Variants in SLC7A9 observed in about 807,000 individuals in gnomAD.
The protein encoded by SLC7A9 is solute carrier family 7 member 9, also known as B(0,+)-type amino acid transporter 1.
In SLC7A9, 38 loss-of-function variants were observed where a neutral mutation model predicts 54.1. That is an observed-to-expected ratio of 0.70 (90% CI 0.54 to 0.92). SLC7A9 has a LOEUF of 0.92. SLC7A9 is among the 40% of genes least tolerant of loss of function. The pLI, the probability that SLC7A9 is intolerant of heterozygous loss-of-function variation, is 0.00. For synonymous variants in SLC7A9, 264 were observed against 258.9 expected (o/e 1.02, Z -0.19); for missense variants, 537 against 636.1 (o/e 0.84, Z 1.68).
Position 32,862,136 on chromosome 19 carries a change from A to G in SLC7A9, c.686T>C (p.Leu229Pro). ...ACCTCACCATCCATCATAGGCCCAG[A>G]GTCCATTGTAAAACGCCAGGCTGAT... Reference protein sequence around the residue: ...GAISLAFYNGLWAYDGWNQLN... With the variant: ...GAISLAFYNGPWAYDGWNQLN... The change falls in exon 6 of 13, where the codon CTC becomes CCC. Residue 229 changes from leucine to proline, a missense_variant. Leu to Pro is a moderately conservative substitution (Grantham distance 98). Transcript: ENST00000023064. 6.2e-7 allele frequency: 1 copy of G among 1,612,570 alleles called. No homozygotes were observed. Among genetic ancestry groups the G allele is most frequent in the Non-Finnish European group, 8.5e-7 (1 of 1,178,790 alleles).
chr19:32,868,087 C>T (rs1164886583), intron 2 of SLC7A9, among the ~76,000 whole-genome samples: 10 of 151,614 alleles, frequency 6.6e-5, no homozygotes, highest in Admixed American at 5.3e-4. Flanking sequence ...AAAAATTAGC[C>T]GGGTATGGTG....
chr19:32,856,485 T>C lies in SLC7A9; in HGVS notation c.977+1955A>G, dbSNP rs189964458. 4.0e-3 allele frequency among the ~76,000 whole-genome samples: 615 copies of C among 152,284 alleles called. 3 individuals are homozygous for C. The highest frequency in any genetic ancestry group is 0.014 in the African/African-American group (591 of 41,570). On this transcript the variant is annotated intron_variant, in intron 9 of 12. Transcript: ENST00000023064. ...CTGGGATTACAGGCGTGAGCCACCA[T>C]GCCCAGCCAGTGAATTTTTAATGTT...
At chr19:32,851,290 A>T (rs907897659) in intron 9 of SLC7A9, among the ~76,000 whole-genome samples, 15 of 151,920 alleles carry the variant, frequency 9.9e-5, no homozygotes, top group African/African-American at 3.6e-4. Flanking sequence ...CAAAGGGCTA[A>T]TATCCAGAAT....
At chr19:32,866,052 C>T (rs548917300) in intron 2 of SLC7A9, among the ~76,000 whole-genome samples, 1 of 151,928 alleles carries the variant, frequency 6.6e-6, no homozygotes, top group Non-Finnish European at 1.5e-5. Flanking sequence ...CTACTCATAA[C>T]ACTCGTCCTC....
intron 8 of SLC7A9, 51 bp downstream of exon 8, chr19:32,859,789 AC>A (rs1968739062): frequency 6.9e-7 from 1 of 1,459,778 alleles, no homozygotes; most frequent in Non-Finnish European, 9.6e-7. Flanking sequence ...CACCTGCCTT[AC>A]CCCTTCCCAC....
intron 11 of SLC7A9, among the ~76,000 whole-genome samples, chr19:32,838,135 G>T (rs541531589): frequency 6.6e-6 from 1 of 152,256 alleles, no homozygotes; most frequent in South Asian, 2.1e-4. Flanking sequence ...GATTTTCTGA[G>T]CCCATCCAAA....
chr19:32,868,753 G>A, intron 1 of SLC7A9, 108 bp from the exon 2 acceptor site: 2 of 616,280 alleles, frequency 3.2e-6, no homozygotes, highest in Non-Finnish European at 5.9e-6. Context: ...CATTGTCCAG[G>A]CAGGGGAACA....
chr19:32,855,367 C>G (rs925075598), intron 9 of SLC7A9, among the ~76,000 whole-genome samples: 1 of 152,076 alleles, frequency 6.6e-6, no homozygotes, highest in South Asian at 2.1e-4. Flanking sequence ...AAATAACTTA[C>G]AAGCTTCCTG....
chr19:32,851,537 A>C (rs1405304513), intron 9 of SLC7A9, among the ~76,000 whole-genome samples: 2 of 150,496 alleles, frequency 1.3e-5, no homozygotes, highest in African/African-American at 2.4e-5. Context: ...GCTGGAGAGG[A>C]TGTGGAGAAA....
chr19:32,832,424 T>G (rs1282337777), intron 12 of SLC7A9, among the ~76,000 whole-genome samples: 1 of 151,018 alleles, frequency 6.6e-6, no homozygotes, highest in Non-Finnish European at 1.5e-5. Context: ...TCATCTGTAC[T>G]AAAAATACAA....
rs1404597985 is a variant in SLC7A9 at position 32,830,542 on chromosome 19, GA to G, written c.*77del. The G allele has an allele frequency of 3.8e-5, 42 of 1,114,416 alleles. No individual in the cohort carries two copies. Among genetic ancestry groups the G allele is most frequent in the Middle Eastern group, 2.5e-4 (1 of 3,928 alleles). 69.0% of individuals were successfully genotyped at this position (1,114,416 alleles called of 1,614,324 possible). A position where few individuals can be genotyped will look rare whatever the true frequency, so the allele number is the denominator to read the frequency against. ...ACATCTGAGTATATTTTATTCGTAA[GA>G]AAAAAAGGAAGAAATAACCACAAAT... On this transcript the variant is annotated 3_prime_UTR_variant, in exon 13 of 13. Coordinates refer to ENST00000023064, the MANE Select transcript of SLC7A9 (RefSeq NM_014270.5).
At chr19:32,853,203 G>T (rs539078279) in intron 9 of SLC7A9, among the ~76,000 whole-genome samples, 1 of 152,116 alleles carries the variant, frequency 6.6e-6, no homozygotes, top group Non-Finnish European at 1.5e-5. Flanking sequence ...GAGCCACCAC[G>T]CCTGGCCCAT....
chr19:32,864,853 G>A (rs966382515), intron 2 of SLC7A9, 77 bp from the exon 3 acceptor site: 19 of 1,592,210 alleles, frequency 1.2e-5, no homozygotes, highest in Middle Eastern at 1.7e-4. Flanking sequence ...ACCCTCCCTC[G>A]GTACGGCCAG....
intron 10 of SLC7A9, among the ~76,000 whole-genome samples, chr19:32,843,353 A>G (rs1968183249): frequency 6.6e-6 from 1 of 152,110 alleles, no homozygotes; most frequent in Non-Finnish European, 1.5e-5. Flanking sequence ...GCTACTCGGA[A>G]GGCTGAGGCA....
In SLC7A9 at chr19:32,830,673, T is replaced by C. The variant is rs1264323703; in HGVS notation, c.1411A>G (p.Met471Val). 6 of 1,613,928 alleles carry C rather than the reference T, an allele frequency of 3.7e-6. No individual in the cohort carries two copies. Among genetic ancestry groups the C allele is most frequent in the Non-Finnish European group, 3.4e-6 (4 of 1,179,812 alleles). ...ACTTCCATTAGCATCTGAAGGTGCATGGTAATCGGCTCTGAAATAAGAGTC... is the reference window on the plus strand; with the variant it reads ...ACTTCCATTAGCATCTGAAGGTGCACGGTAATCGGCTCTGAAATAAGAGTC... The part of the protein sequence containing the change: ...WAQKISKPIT[M>V]HLQMLMEVVP... The change falls in exon 13 of 13, where the codon ATG becomes GTG. Residue 471 changes from methionine to valine, a missense_variant. Met to Val is a conservative substitution (Grantham distance 21). Coordinates refer to ENST00000023064, the MANE Select transcript of SLC7A9 (RefSeq NM_014270.5).
chr19:32,866,258 C>A (rs1234369038), intron 2 of SLC7A9, among the ~76,000 whole-genome samples: 1 of 152,166 alleles, frequency 6.6e-6, no homozygotes, highest in Non-Finnish European at 1.5e-5. Context: ...GGGCGCACTT[C>A]CAGGACAGGG....
At chr19:32,840,460 GC>G (rs1469169813) in intron 11 of SLC7A9, among the ~76,000 whole-genome samples, 1 of 152,132 alleles carries the variant, frequency 6.6e-6, no homozygotes, top group South Asian at 2.1e-4. Context: ...ACCACACTCA[GC>G]CTCTGTGTTC....
intron 9 of SLC7A9, among the ~76,000 whole-genome samples, chr19:32,845,194 T>C (rs966862054): frequency 2.0e-5 from 3 of 150,812 alleles, no homozygotes; most frequent in South Asian, 2.1e-4. Context: ...GAGGAGAAGA[T>C]ATAAAAAACA....
chr19:32,845,823 CA>C (rs1300695435), intron 9 of SLC7A9, among the ~76,000 whole-genome samples: 1 of 152,140 alleles, frequency 6.6e-6, no homozygotes. Flanking sequence ...GCCTGGCCAA[CA>C]TAGTGAAACC....
Sources: gnomAD v4.1 joint callset for allele counts (sites outside exome capture counted in the v4.1 genomes callset) on GRCh38, gnomAD v4.1.1 for gene constraint, MANE v1.5 for transcripts, NCBI Gene and HGNC (gene_info 2026-07-23, HGNC 2026-07-21) for gene names.